NBAS: variants seen among roughly 807,000 people sequenced by gnomAD.
NBAS encodes the protein NAG/BC035112 fusion.
A neutral mutation model predicts 302.5 loss-of-function variants in NBAS; 219 were observed. The observed-to-expected ratio is 0.72, with a 90% CI of 0.65 to 0.81. NBAS has a LOEUF of 0.81. Ranked by LOEUF, NBAS falls within the 30% of genes least tolerant of loss-of-function variation. NBAS has a pLI of 0.00. For synonymous variants in NBAS, 1,118 were observed against 1,021.6 expected, an observed-to-expected ratio of 1.09 and a Z score of -1.80; for missense variants, 2,932 against 2,841.6, an observed-to-expected ratio of 1.03 and a Z score of -0.72.
the NBAS span, among the ~76,000 whole-genome samples, chr2:14,789,436 G>A: frequency 5.3e-5 from 8 of 152,238 alleles, no homozygotes; most frequent in South Asian, 1.7e-3. Flanking sequence ...GCTCATGCTG[G>A]GAGCTGTAGA....
the NBAS span, among the ~76,000 whole-genome samples, chr2:15,114,332 C>G: frequency 6.6e-6 from 1 of 152,196 alleles, no homozygotes; most frequent in Non-Finnish European, 1.5e-5. Context: ...TGGACCTCCT[C>G]TCCTGGTGTC....
chr2:15,179,181 C>A, intron 50 of NBAS, 65 bp from the exon 51 acceptor site: 1 of 1,611,218 alleles, frequency 6.2e-7, no homozygotes, highest in Non-Finnish European at 8.5e-7. Context: ...ACGGTTCTGG[C>A]TGGATCATTC....
chr2:15,099,532 T>C, the NBAS span, among the ~76,000 whole-genome samples: 10 of 152,112 alleles, frequency 6.6e-5, no homozygotes, highest in East Asian at 3.9e-4. Context: ...AATCCTATGA[T>C]GCCAAGAGAG....
At chr2:15,223,778 G>A (rs1667049185) in intron 47 of NBAS, among the ~76,000 whole-genome samples, 2 of 150,956 alleles carry the variant, frequency 1.3e-5, no homozygotes, top group African/African-American at 2.4e-5. Flanking sequence ...GCAAAGAGCC[G>A]AGATCGCACC....
chr2:14,945,699 CAGTT>C, the NBAS span, among the ~76,000 whole-genome samples: 1 of 151,860 alleles, frequency 6.6e-6, no homozygotes, highest in Non-Finnish European at 1.5e-5. Flanking sequence ...AAAAAAGAAT[CAGTT>C]AGCTTGAAGA....
intron 21 of NBAS, among the ~76,000 whole-genome samples, chr2:15,438,958 C>G (rs1678181640): frequency 6.6e-6 from 1 of 152,150 alleles, no homozygotes; most frequent in Non-Finnish European, 1.5e-5. Context: ...AACTAGTAAT[C>G]TGTAGGGTAA....
At chr2:15,069,334 C>T in the NBAS span, among the ~76,000 whole-genome samples, 119 of 152,212 alleles carry the variant, frequency 7.8e-4, no homozygotes, top group Non-Finnish European at 1.1e-3. Flanking sequence ...AGCAGTGAAG[C>T]GGCTTTGGAA....
the NBAS span, among the ~76,000 whole-genome samples, chr2:15,089,161 T>G: frequency 6.6e-6 from 1 of 152,154 alleles, no homozygotes; most frequent in African/African-American, 2.4e-5. Flanking sequence ...TTTCAGTTTT[T>G]TGTAGAGATA....
chr2:15,051,543 T>C, the NBAS span, among the ~76,000 whole-genome samples: 1 of 152,174 alleles, frequency 6.6e-6, no homozygotes, highest in African/African-American at 2.4e-5. Context: ...TATATGGACA[T>C]AATAATAAAA....
Position 15,326,616 on chromosome 2 carries a change from A to C in NBAS, c.4582+1134T>G, listed in dbSNP as rs192723534. ...ATGACTATACTTTTCATATATATTC[A>C]ATTTCAACTGTAATTGTAATATGTA... On this transcript the variant is annotated intron_variant, in intron 38 of 51. Coordinates refer to ENST00000281513, the MANE Select transcript of NBAS (RefSeq NM_015909.4). Among the ~76,000 whole-genome samples the C allele has an allele frequency of 9.8e-5, 15 of 152,292 alleles. No individual in the cohort carries two copies. The East Asian group carries it at 2.7e-3, about 27-fold the overall frequency.
At chr2:15,351,897 C>A in intron 35 of NBAS, 95 bp downstream of exon 35, 1 of 716,806 alleles carries the variant, frequency 1.4e-6, no homozygotes, top group Non-Finnish European at 2.5e-6. Context: ...CACACACACA[C>A]ACACACAAAA....
the NBAS span, among the ~76,000 whole-genome samples, chr2:14,792,569 T>C: frequency 2.0e-5 from 3 of 152,134 alleles, no homozygotes; most frequent in Admixed American, 1.3e-4. Flanking sequence ...TTCTGCATCA[T>C]GGTAGGAAGG....
the NBAS span, among the ~76,000 whole-genome samples, chr2:14,922,282 G>A: frequency 1.3e-5 from 2 of 152,334 alleles, no homozygotes; most frequent in South Asian, 4.1e-4. Flanking sequence ...CTGGATTCAA[G>A]AGCATTTAAG....
chr2:15,468,057 G>A (rs1679798999), intron 17 of NBAS, among the ~76,000 whole-genome samples: 1 of 152,138 alleles, frequency 6.6e-6, no homozygotes, highest in Non-Finnish European at 1.5e-5. Context: ...AGAGATGTGG[G>A]GTTACATTCA....
chr2:15,522,813 A>C (rs2148663685), intron 9 of NBAS, among the ~76,000 whole-genome samples: 1 of 152,372 alleles, frequency 6.6e-6, no homozygotes, highest in East Asian at 1.9e-4. Context: ...TAATAGGCTA[A>C]TGTTGACCCA....
chr2:14,848,426 A>G, the NBAS span, among the ~76,000 whole-genome samples: 128 of 141,660 alleles, frequency 9.0e-4, no homozygotes, highest in African/African-American at 3.8e-3. Flanking sequence ...GGAGGGTCCT[A>G]CGCCCACGGA....
intron 31 of NBAS, among the ~76,000 whole-genome samples, chr2:15,370,221 C>T (rs1674416134): frequency 6.6e-6 from 1 of 152,176 alleles, no homozygotes; most frequent in African/African-American, 2.4e-5. Context: ...CCTAGGCAAC[C>T]TAGGCAAGTT....
chr2:15,481,237 A>G (rs1039936217), intron 12 of NBAS, among the ~76,000 whole-genome samples: 2 of 152,206 alleles, frequency 1.3e-5, no homozygotes, highest in Non-Finnish European at 2.9e-5. Context: ...GTTAATGGAC[A>G]TCTGCATTGT....
rs763279421 is a variant in NBAS at position 15,292,576 on chromosome 2, T to C, written c.4988A>G (p.Asp1663Gly). The C allele has an allele frequency of 1.9e-6, 3 of 1,614,110 alleles. No homozygotes were observed. Among genetic ancestry groups the C allele is most frequent in the South Asian group, 2.2e-5 (2 of 91,084 alleles). ...KGVDVQRFTA[D>G]DQYKRETILG... ...GATAGTTTCCCTTTTATACTGGTCA[T>C]CTGCAGTAAACCGCTGCACGTCCAC... The change falls in exon 41 of 52, where the codon GAT becomes GGT. Residue 1663 changes from aspartate to glycine, a missense_variant. Transcript: ENST00000281513.
Sources: allele counts gnomAD v4.1 joint callset (sites outside exome capture counted in the v4.1 genomes callset), GRCh38; gene constraint gnomAD v4.1.1; transcripts MANE v1.5; gene names NCBI Gene and HGNC (gene_info 2026-07-23, HGNC 2026-07-21).